The following IL36B variants were observed in gnomAD, a reference collection of about 807,000 sequenced individuals.
IL36B encodes interleukin 36 beta, also known as interleukin-36 beta.
In IL36B, 23 loss-of-function variants were observed where a neutral mutation model predicts 19.3. The ratio of observed to expected loss-of-function variants is 1.19; its 90% CI spans 0.86 to 1.69. IL36B has a LOEUF of 1.69. IL36B is among the 40% of genes most tolerant of loss of function. The probability of loss-of-function intolerance (pLI) is 0.00; values close to 1 mark genes in which losing one functional copy is unlikely to be tolerated. For synonymous variants in IL36B, 59 were observed against 59.7 expected, an observed-to-expected ratio of 0.99 and a Z score of 0.05; for missense variants, 217 against 200.5, an observed-to-expected ratio of 1.08 and a Z score of -0.50.
chr2:113,043,754 A>G (rs1356618298), intron 1 of IL36B, among the ~76,000 whole-genome samples: 1 of 152,162 alleles, frequency 6.6e-6, no homozygotes, highest in African/African-American at 2.4e-5. Context: ...GGGTTTCACC[A>G]TGTTGGCCAG....
intron 5 of IL36B, chr2:113,022,840 T>C (rs1185870644): frequency 5.4e-6 from 6 of 1,115,558 alleles, no homozygotes; most frequent in Admixed American, 3.4e-5. Context: ...AAACCACCAA[T>C]TGAATAGGGG....
At chr2:113,042,969 A>T (rs752205106) in intron 1 of IL36B, among the ~76,000 whole-genome samples, 8 of 152,194 alleles carry the variant, frequency 5.3e-5, no homozygotes, top group Non-Finnish European at 1.0e-4. Context: ...TAGCAATAGT[A>T]ATAGGTAAGC....
At chr2:113,027,866 C>T (rs369505783) in intron 4 of IL36B, 1 of 1,610,224 alleles carries the variant, frequency 6.2e-7, no homozygotes, top group Admixed American at 1.7e-5. Context: ...GCTTGATTCT[C>T]TATCCTGGAA....
At chr2:113,028,094 A>G in intron 4 of IL36B, 4 of 1,614,086 alleles carry the variant, frequency 2.5e-6, no homozygotes, top group Non-Finnish European at 3.4e-6. Context: ...TTCTCCACAT[A>G]CAGGTCCATG....
Position 113,022,322 on chromosome 2 carries a change from A to T in IL36B, c.*352T>A. On this transcript the variant is annotated 3_prime_UTR_variant, in exon 6 of 6. Transcript: ENST00000259213. ...TGTACATCAGGAAAAGAAATAACAG[A>T]TTGAGCTCTAGTAGCTTGCTGCTCT... is the stretch of plus-strand genomic sequence containing the variant. 1 of 171,432 alleles carries T rather than the reference A, an allele frequency of 5.8e-6. No individual in the cohort carries two copies. The highest frequency in any genetic ancestry group is 1.5e-4 in the South Asian group (1 of 6,616). 10.6% of individuals were successfully genotyped at this position (171,432 alleles called of 1,614,324 possible).
chr2:113,029,096 A>G lies in IL36B; in HGVS notation c.122-18T>C, dbSNP rs767884198. 6.2e-7 allele frequency: 1 copy of G among 1,608,338 alleles called. No individual in the cohort carries two copies. Among genetic ancestry groups the G allele is most frequent in the South Asian group, 1.1e-5 (1 of 89,678 alleles). On this transcript the variant is annotated intron_variant, in intron 3 of 5. Coordinates refer to ENST00000259213, the MANE Select transcript of IL36B (RefSeq NM_014438.5). The stretch of plus-strand genomic sequence containing the variant: ...AAGAGTGACTGGAAACACAAAGGAA[A>G]ATGGAGAAGATGTTTCAGTCTTTCT...
rs1684932895 is a variant in IL36B at position 113,025,091 on chromosome 2, G to A, written c.391+1012C>T. On this transcript the variant is annotated intron_variant, in intron 5 of 5. Coordinates refer to ENST00000259213, the MANE Select transcript of IL36B (RefSeq NM_014438.5). The stretch of plus-strand genomic sequence containing the variant: ...TCAGACTGTGCACCGAGCCCTCCAA[G>A]AGGGAGGCAGAGGATACTGGCTAAA... Among the ~76,000 whole-genome samples the A allele has an allele frequency of 2.6e-5, 4 of 152,312 alleles. No individual in the cohort carries two copies. The South Asian group carries it at 8.3e-4, about 32-fold the overall frequency.
intron 5 of IL36B, among the ~76,000 whole-genome samples, chr2:113,023,280 A>G (rs1684894710): frequency 6.6e-6 from 1 of 152,208 alleles, no homozygotes; most frequent in South Asian, 2.1e-4. Flanking sequence ...TTTGTTGAAT[A>G]ATTCAGATTA....
At chr2:113,050,453 G>C (rs1054715354) in intron 1 of IL36B, among the ~76,000 whole-genome samples, 5 of 152,176 alleles carry the variant, frequency 3.3e-5, no homozygotes, top group African/African-American at 9.7e-5. Context: ...CTGGGGAGAG[G>C]GGAGTGAGGA....
At chr2:113,046,208 CTTTTTTT>C (rs1179343491) in intron 1 of IL36B, among the ~76,000 whole-genome samples, 2 of 11,190 alleles carry the variant, frequency 1.8e-4, no homozygotes, top group Non-Finnish European at 1.5e-4. Flanking sequence ...CAGGTTTTTT[CTTTTTTT>C]TTTTTTTTTT....
chr2:113,023,279 T>C (rs1209038258), intron 5 of IL36B, among the ~76,000 whole-genome samples: 2 of 152,354 alleles, frequency 1.3e-5, no homozygotes, highest in South Asian at 4.1e-4. Context: ...ATTTGTTGAA[T>C]AATTCAGATT....
chr2:113,028,581 G>A (rs1685008642), intron 4 of IL36B, among the ~76,000 whole-genome samples: 1 of 152,102 alleles, frequency 6.6e-6, no homozygotes, highest in Admixed American at 6.5e-5. Flanking sequence ...AAATCTTTTT[G>A]TCTCCTCTGC....
In IL36B at chr2:113,029,995, G is replaced by A. The variant is rs563382342; in HGVS notation, c.122-917C>T. ...CGCCTGTAATCCCAGCACTTTGGGA[G>A]GCTGAGGTGGGCGGATCACGAGGTC... On this transcript the variant is annotated intron_variant, in intron 3 of 5. Transcript: ENST00000259213. Among the ~76,000 whole-genome samples, 12 of 152,328 alleles carry A rather than the reference G, an allele frequency of 7.9e-5. No individual in the cohort carries two copies. In the South Asian group the frequency reaches 2.5e-3, roughly 32 times the overall value.
intron 1 of IL36B, among the ~76,000 whole-genome samples, chr2:113,044,258 ATATGTGTG>A (rs1286961920): frequency 2.7e-4 from 36 of 131,408 alleles, no homozygotes; most frequent in Middle Eastern, 3.8e-3. Context: ...ATCTATATCT[ATATGTGTG>A]TGTGTGTGTG....
At chr2:113,028,418 C>T (rs1478795167) in intron 4 of IL36B, among the ~76,000 whole-genome samples, 3 of 152,200 alleles carry the variant, frequency 2.0e-5, no homozygotes, top group African/African-American at 7.2e-5. Flanking sequence ...ATGCATTTGT[C>T]TGCAGGTTCA....
At chr2:113,038,617 T>A (rs993872375) in intron 1 of IL36B, among the ~76,000 whole-genome samples, 3 of 152,150 alleles carry the variant, frequency 2.0e-5, no homozygotes, top group Non-Finnish European at 2.9e-5. Context: ...TCAGTCCAAT[T>A]TGGCCACACA....
chr2:113,023,321 C>T (rs1308415284), intron 5 of IL36B, among the ~76,000 whole-genome samples: 1 of 152,166 alleles, frequency 6.6e-6, no homozygotes, highest in East Asian at 1.9e-4. Context: ...GAGATAAAAA[C>T]AAGCTTTGTT....
At chr2:113,042,073 C>T (rs371623326) in intron 1 of IL36B, among the ~76,000 whole-genome samples, 1 of 152,140 alleles carries the variant, frequency 6.6e-6, no homozygotes, top group Non-Finnish European at 1.5e-5. Flanking sequence ...TAAGGACAAC[C>T]ACTAGGAGGT....
intron 1 of IL36B, among the ~76,000 whole-genome samples, chr2:113,046,781 C>T (rs1175885018): frequency 7.1e-6 from 1 of 140,104 alleles, no homozygotes; most frequent in African/African-American, 2.8e-5. Context: ...ATACTGTCAA[C>T]ATAACTTATT....
Sources: allele counts gnomAD v4.1 joint callset (sites outside exome capture counted in the v4.1 genomes callset), GRCh38; gene constraint gnomAD v4.1.1; transcripts MANE v1.5; gene names NCBI Gene and HGNC (gene_info 2026-07-23, HGNC 2026-07-21).